The following CPPED1 variants were observed in gnomAD, a reference collection of about 807,000 sequenced individuals.
The protein encoded by CPPED1 is calcineurin like phosphoesterase domain containing 1, also known as serine/threonine-protein phosphatase CPPED1.
CPPED1 carries 28 observed loss-of-function variants against 28.0 expected under a neutral mutation model. That is an observed-to-expected ratio of 1.00 (90% CI 0.74 to 1.37). The LOEUF (loss-of-function observed/expected upper bound fraction) is 1.37, where lower values mean the gene tolerates loss of function less well. Among genes scored for constraint, CPPED1 ranks in the 40% most tolerant of loss-of-function variants. The pLI, the probability that CPPED1 is intolerant of heterozygous loss-of-function variation, is 0.00. For missense variants in CPPED1, 504 were observed against 416.5 expected (o/e 1.21, Z -1.83); for synonymous variants, 198 against 180.2 (o/e 1.10, Z -0.79).
At chr16:12,791,254 C>T (rs1252181427) in intron 1 of CPPED1, among the ~76,000 whole-genome samples, 1 of 151,972 alleles carries the variant, frequency 6.6e-6, no homozygotes, top group Admixed American at 6.6e-5. Context: ...TGTGATGTTC[C>T]CCTCCCTGTG....
intron 2 of CPPED1, chr16:12,753,977 C>T (rs12148999): frequency 0.58 from 88,127 of 151,984 alleles, 25,772 homozygotes; most frequent in Admixed American, 0.63. Flanking sequence ...TGATCCTGGT[C>T]ATTGCATCAC....
chr16:12,732,466 AAACACACAAACACACAC>A (rs2080203961), intron 2 of CPPED1, among the ~76,000 whole-genome samples: 1 of 124,916 alleles, frequency 8.0e-6, no homozygotes, highest in Admixed American at 8.9e-5. Flanking sequence ...ACACACACAC[AAACACACAAACACACAC>A]ACACACAGAT....
intron 3 of CPPED1, among the ~76,000 whole-genome samples, chr16:12,699,081 T>C (rs2080006808): frequency 6.6e-6 from 1 of 152,200 alleles, no homozygotes; most frequent in African/African-American, 2.4e-5. Context: ...GAAAGAGGCA[T>C]AAAGGACCGA....
chr16:12,745,372 A>T (rs1053962392), intron 2 of CPPED1, among the ~76,000 whole-genome samples: 2 of 152,216 alleles, frequency 1.3e-5, no homozygotes, highest in African/African-American at 2.4e-5. Context: ...CATGCATGCG[A>T]ATGTGCACTG....
rs139014372 is a variant in CPPED1 at position 12,733,343 on chromosome 16, C to T, written c.290-28294G>A. ...AGGCTGGAATGCAGTGGCACAATCT[C>T]GGCTCACTGCAACCTCTGCCTCCCA... On this transcript the variant is annotated intron_variant, in intron 2 of 3. Transcript: ENST00000381774. Among the ~76,000 whole-genome samples the T allele has an allele frequency of 6.6e-3, 989 of 148,952 alleles. 16 individuals carry two copies. The highest frequency in any genetic ancestry group is 0.023 in the African/African-American group (918 of 40,484).
chr16:12,766,464 C>T (rs1258213948), intron 2 of CPPED1, among the ~76,000 whole-genome samples: 2 of 151,660 alleles, frequency 1.3e-5, no homozygotes, highest in Non-Finnish European at 2.9e-5. Flanking sequence ...GAGGAAGATG[C>T]AAAAGCAGAA....
intron 2 of CPPED1, among the ~76,000 whole-genome samples, chr16:12,775,750 G>A (rs1301615904): frequency 6.6e-6 from 1 of 152,226 alleles, no homozygotes; most frequent in Non-Finnish European, 1.5e-5. Context: ...TTTGGAAACA[G>A]ATGAACAAGA....
intron 2 of CPPED1, among the ~76,000 whole-genome samples, chr16:12,754,295 C>G (rs1173617629): frequency 6.6e-6 from 1 of 152,174 alleles, no homozygotes. Flanking sequence ...AAACCAAACA[C>G]CAGATGAAGC....
At chr16:12,699,298 T>C (rs911815062) in intron 3 of CPPED1, among the ~76,000 whole-genome samples, 5 of 152,218 alleles carry the variant, frequency 3.3e-5, no homozygotes, top group African/African-American at 1.2e-4. Context: ...TAACTGTTTA[T>C]TTGTACCGGC....
At chr16:12,719,423 A>T (rs1567285528) in intron 2 of CPPED1, among the ~76,000 whole-genome samples, 1 of 151,710 alleles carries the variant, frequency 6.6e-6, no homozygotes, top group Non-Finnish European at 1.5e-5. Context: ...TATGGAGGAA[A>T]CCGCCCCCAT....
chr16:12,685,301 T>C (rs2079927057), intron 3 of CPPED1, among the ~76,000 whole-genome samples: 1 of 152,026 alleles, frequency 6.6e-6, no homozygotes, highest in South Asian at 2.1e-4. Context: ...AATACAAAAA[T>C]TAGCCAGGTG....
At chr16:12,758,690 G>A (rs1403699983) in intron 2 of CPPED1, among the ~76,000 whole-genome samples, 3 of 152,138 alleles carry the variant, frequency 2.0e-5, no homozygotes, top group Admixed American at 6.6e-5. Flanking sequence ...AGAGATGAAA[G>A]CCTGGCCAAA....
intron 1 of CPPED1, among the ~76,000 whole-genome samples, chr16:12,802,983 G>A (rs974491747): frequency 2.6e-5 from 4 of 152,224 alleles, no homozygotes; most frequent in African/African-American, 7.2e-5. Context: ...AAAAGCCACA[G>A]AGGGGAATCA....
intron 2 of CPPED1, among the ~76,000 whole-genome samples, chr16:12,728,055 G>A (rs775726232): frequency 2.0e-5 from 3 of 152,078 alleles, no homozygotes; most frequent in Non-Finnish European, 2.9e-5. Flanking sequence ...TTACAATCAC[G>A]CTTCCTTCCC....
chr16:12,799,136 C>T (rs556880439), intron 1 of CPPED1, among the ~76,000 whole-genome samples: 1 of 152,138 alleles, frequency 6.6e-6, no homozygotes, highest in Non-Finnish European at 1.5e-5. Flanking sequence ...TGAGCTGATT[C>T]TGCAGCAAAG....
intron 1 of CPPED1, among the ~76,000 whole-genome samples, chr16:12,800,232 A>G (rs1222716264): frequency 6.6e-6 from 1 of 152,186 alleles, no homozygotes. Context: ...TGAGGTCAGG[A>G]GTCCCAGACC....
chr16:12,708,825 C>T (rs775115020), intron 2 of CPPED1, among the ~76,000 whole-genome samples: 21 of 152,132 alleles, frequency 1.4e-4, no homozygotes, highest in Non-Finnish European at 7.4e-5. Context: ...CATGCCTGTA[C>T]TCCCAGGACT....
chr16:12,673,462 G>C (rs952547382), intron 3 of CPPED1, among the ~76,000 whole-genome samples: 1 of 152,240 alleles, frequency 6.6e-6, no homozygotes, highest in African/African-American at 2.4e-5. Context: ...AATTTTGAAA[G>C]AAGCTTGCAT....
At chr16:12,672,627 A>T (rs1298380695) in intron 3 of CPPED1, among the ~76,000 whole-genome samples, 2 of 152,238 alleles carry the variant, frequency 1.3e-5, no homozygotes, top group Non-Finnish European at 2.9e-5. Context: ...GTGCATAGAC[A>T]TTAAACTGCT....
Sources: allele counts gnomAD v4.1 joint callset (sites outside exome capture counted in the v4.1 genomes callset), GRCh38; gene constraint gnomAD v4.1.1; transcripts MANE v1.5; gene names NCBI Gene and HGNC (gene_info 2026-07-23, HGNC 2026-07-21).